Variants in CATSPERB observed in about 807,000 individuals in gnomAD.
CATSPERB encodes the protein catsper channel auxiliary subunit beta, also known as cation channel sperm-associated auxiliary subunit beta.
A neutral mutation model predicts 128.3 loss-of-function variants in CATSPERB; 93 were observed. The ratio of observed to expected loss-of-function variants is 0.72; its 90% confidence interval spans 0.61 to 0.86. The LOEUF (loss-of-function observed/expected upper bound fraction) is 0.86, where lower values mean the gene tolerates loss of function less well. Ranked by LOEUF, CATSPERB falls within the 40% of genes least tolerant of loss-of-function variation. The pLI, the probability that CATSPERB is intolerant of heterozygous loss-of-function variation, is 0.00. For missense variants in CATSPERB, 1,153 were observed against 1,329.5 expected, an observed-to-expected ratio of 0.87 and a Z score of 2.06; for synonymous variants, 381 against 448.8, an observed-to-expected ratio of 0.85 and a Z score of 1.91.
chr14:91,601,772 G>A (rs1241842187), intron 22 of CATSPERB, among the ~76,000 whole-genome samples: 2 of 151,910 alleles, frequency 1.3e-5, no homozygotes, highest in East Asian at 3.9e-4. Flanking sequence ...AGGTTTTTAG[G>A]TATTTTTTCC....
At chr14:91,606,600 T>C (rs888743895) in intron 22 of CATSPERB, among the ~76,000 whole-genome samples, 7 of 152,332 alleles carry the variant, frequency 4.6e-5, no homozygotes, top group African/African-American at 1.7e-4. Flanking sequence ...CGAATAATTC[T>C]GGTTCAGGAT....
intron 19 of CATSPERB, among the ~76,000 whole-genome samples, chr14:91,620,713 G>T (rs1185685420): frequency 2.6e-5 from 4 of 152,022 alleles, no homozygotes; most frequent in Admixed American, 1.3e-4. Context: ...ATATACAAAG[G>T]GTTGGTTCAA....
chr14:91,622,546 G>A (rs1894070022), intron 18 of CATSPERB, among the ~76,000 whole-genome samples: 1 of 152,190 alleles, frequency 6.6e-6, no homozygotes, highest in African/African-American at 2.4e-5. Flanking sequence ...CTGTTGAAAT[G>A]AGAGGGAAGT....
intron 22 of CATSPERB, chr14:91,603,269 T>C: frequency 8.4e-7 from 1 of 1,185,534 alleles, no homozygotes; most frequent in Non-Finnish European, 1.3e-6. Flanking sequence ...CCAGCATATA[T>C]TATTCACCTT....
intron 17 of CATSPERB, chr14:91,635,805 T>C (rs1322937920): frequency 6.6e-6 from 1 of 152,238 alleles, no homozygotes; most frequent in Admixed American, 6.5e-5. Flanking sequence ...AATGTGTTGG[T>C]CTCTAGGATA....
rs182572558 is a variant in CATSPERB, at chr14:91,622,291, A to G, written c.1931-354T>C. ...TGATTCTACAAGAGAAGGATAATGT[A>G]GCCAGTTTCCCCAGTACCTAAAGAT... On this transcript the variant is annotated intron_variant, in intron 18 of 26. Coordinates refer to ENST00000256343, the MANE Select transcript of CATSPERB (RefSeq NM_024764.4). Among the ~76,000 whole-genome samples the G allele has an allele frequency of 1.5e-4, 23 of 152,304 alleles. 1 individual carries two copies. In the East Asian group the frequency reaches 4.2e-3, roughly 28 times the overall value.
intron 7 of CATSPERB, among the ~76,000 whole-genome samples, chr14:91,694,496 A>G (rs1256924630): frequency 6.6e-6 from 1 of 150,384 alleles, no homozygotes; most frequent in Non-Finnish European, 1.5e-5. Context: ...TAATTCATAG[A>G]GCCCTATTCA....
intron 17 of CATSPERB, among the ~76,000 whole-genome samples, chr14:91,630,184 T>C (rs1206613879): frequency 6.6e-6 from 1 of 152,198 alleles, no homozygotes; most frequent in African/African-American, 2.4e-5. Context: ...AACACCCTCT[T>C]CTCTTGGTTT....
chr14:91,664,045 A>G (rs868500628), intron 14 of CATSPERB, among the ~76,000 whole-genome samples: 1 of 152,062 alleles, frequency 6.6e-6, no homozygotes, highest in African/African-American at 2.4e-5. Flanking sequence ...ATCCACCATT[A>G]TAGTATCAGA....
intron 23 of CATSPERB, 36 bp from the exon 24 acceptor site, chr14:91,589,705 G>A (rs1375678759): frequency 2.5e-6 from 4 of 1,596,652 alleles, no homozygotes; most frequent in Admixed American, 1.7e-5. Flanking sequence ...TGTAAACTTG[G>A]GAAAGTCAAT....
At chr14:91,590,645 TGTTTG>T (rs796534156) in intron 23 of CATSPERB, among the ~76,000 whole-genome samples, 1,117 of 105,836 alleles carry the variant, frequency 0.011, 14 homozygotes, top group African/African-American at 0.034. Context: ...TGTCTTTTTT[TGTTTG>T]TTTGTTTTGT....
At chr14:91,618,423 G>A (rs918376648) in intron 19 of CATSPERB, among the ~76,000 whole-genome samples, 2 of 152,166 alleles carry the variant, frequency 1.3e-5, no homozygotes, top group Non-Finnish European at 2.9e-5. Flanking sequence ...AGTTGCTGTG[G>A]TTCAAACGCC....
rs1618870 is a variant in CATSPERB, at chr14:91,648,052, C to A, written c.1433-8802G>T. Among the ~76,000 whole-genome samples, 6 of 152,018 alleles carry A rather than the reference C, an allele frequency of 3.9e-5. No individual in the cohort carries two copies. The East Asian group carries it at 1.2e-3, about 29-fold the overall frequency. On this transcript the variant is annotated intron_variant, in intron 15 of 26. Transcript: ENST00000256343. ...CCTATGTGTAACTCTTGACTATACA[C>A]ACTTCCTCCTATTTCACAGCCAATC...
At chr14:91,589,055 TA>T (rs957854770) in intron 24 of CATSPERB, among the ~76,000 whole-genome samples, 3 of 152,228 alleles carry the variant, frequency 2.0e-5, no homozygotes, top group Non-Finnish European at 2.9e-5. Flanking sequence ...GTAAAGTGAA[TA>T]GGGGTAAACA....
At chr14:91,587,428 G>T (rs1013045969) in intron 25 of CATSPERB, 152 bp from the exon 26 acceptor site, 11 of 314,622 alleles carry the variant, frequency 3.5e-5, no homozygotes, top group Middle Eastern at 7.8e-4. Context: ...TACACATCAT[G>T]CATCAAAATA....
rs142059771 is a variant in CATSPERB at position 91,597,690 on chromosome 14, T to G, written c.2710-5688A>C. On this transcript the variant is annotated intron_variant, in intron 22 of 26. Transcript: ENST00000256343. ...GCGATAGTCCCCGGGCCTTGAGGAG[T>G]TGAATGGCTTTAATTTCTTGCCCTG... Among the ~76,000 whole-genome samples the G allele has an allele frequency of 2.6e-3, 390 of 152,150 alleles. 2 individuals are homozygous for G. The highest frequency in any genetic ancestry group is 8.8e-3 in the African/African-American group (367 of 41,496).
chr14:91,603,173 C>T (rs1381647880), intron 22 of CATSPERB: 2 of 791,468 alleles, frequency 2.5e-6, no homozygotes, highest in Admixed American at 3.4e-5. Flanking sequence ...TTTACTATAC[C>T]TTTCAATATC....
chr14:91,644,395 G>A (rs1894554260), intron 15 of CATSPERB, among the ~76,000 whole-genome samples: 1 of 149,322 alleles, frequency 6.7e-6, no homozygotes, highest in Admixed American at 6.7e-5. Context: ...AGCTCTTGTA[G>A]GGCAGGCCTG....
At chr14:91,630,930 C>A (rs1467584266) in intron 17 of CATSPERB, among the ~76,000 whole-genome samples, 4 of 152,156 alleles carry the variant, frequency 2.6e-5, no homozygotes, top group Non-Finnish European at 4.4e-5. Flanking sequence ...CATCACTGTG[C>A]ATCATCTATA....
Sources: gnomAD v4.1 joint callset for allele counts (sites outside exome capture counted in the v4.1 genomes callset) on GRCh38, gnomAD v4.1.1 for gene constraint, MANE v1.5 for transcripts, NCBI Gene and HGNC (gene_info 2026-07-23, HGNC 2026-07-21) for gene names.